The following EFNA5 variants were observed in gnomAD, a reference collection of about 807,000 sequenced individuals.
EFNA5 encodes the protein ephrin-A5.
A neutral mutation model predicts 22.9 loss-of-function variants in EFNA5; 5 were observed. That is an observed-to-expected ratio of 0.22 (90% confidence interval 0.11 to 0.46). The LOEUF (loss-of-function observed/expected upper bound fraction) is 0.46. Ranked by LOEUF, EFNA5 falls within the 20% of genes least tolerant of loss-of-function variation. The pLI is 0.99. For synonymous variants in EFNA5, 113 were observed against 112.2 expected (o/e 1.01, Z -0.04); for missense variants, 237 against 293.3 (o/e 0.81, Z 1.40).
chr5:107,428,598 C>T (rs760337293), intron 1 of EFNA5, among the ~76,000 whole-genome samples: 2 of 152,174 alleles, frequency 1.3e-5, no homozygotes, highest in Non-Finnish European at 2.9e-5. Flanking sequence ...GGTGGAAAAG[C>T]GTACAAAACT....
At chr5:107,381,783 G>A (rs548242406) in intron 4 of EFNA5, among the ~76,000 whole-genome samples, 82 of 152,326 alleles carry the variant, frequency 5.4e-4, no homozygotes, top group African/African-American at 1.9e-3. Flanking sequence ...TGTTGGCACA[G>A]TAGTGGTTAA....
chr5:107,467,850 C>T (rs1274892405), intron 1 of EFNA5, among the ~76,000 whole-genome samples: 2 of 152,094 alleles, frequency 1.3e-5, no homozygotes, highest in Non-Finnish European at 2.9e-5. Flanking sequence ...CTTTCCTTTG[C>T]ACAGCAAATC....
At chr5:107,473,262 ATTT>A (rs35926074) in intron 1 of EFNA5, among the ~76,000 whole-genome samples, 12,722 of 135,158 alleles carry the variant, frequency 0.094, 703 homozygotes, top group East Asian at 0.23. Context: ...TCCAGGTCTG[ATTT>A]TTTTTTTTTT....
intron 1 of EFNA5, among the ~76,000 whole-genome samples, chr5:107,662,427 T>C (rs974738444): frequency 6.6e-6 from 1 of 152,186 alleles, no homozygotes; most frequent in African/African-American, 2.4e-5. Context: ...ATGAGAATAA[T>C]GTTCCCAGCC....
At chr5:107,383,315 AT>A (rs2112484004) in intron 4 of EFNA5, among the ~76,000 whole-genome samples, 1 of 152,340 alleles carries the variant, frequency 6.6e-6, no homozygotes, top group Non-Finnish European at 1.5e-5. Flanking sequence ...AAAAATATAT[AT>A]AAAGTCCTCC....
chr5:107,551,958 C>T (rs1475548148), intron 1 of EFNA5, among the ~76,000 whole-genome samples: 1 of 152,140 alleles, frequency 6.6e-6, no homozygotes, highest in African/African-American at 2.4e-5. Context: ...ATCTCCACTA[C>T]TGTCTCCATA....
intron 1 of EFNA5, among the ~76,000 whole-genome samples, chr5:107,589,272 A>C (rs1561442061): frequency 6.6e-6 from 1 of 152,214 alleles, no homozygotes. Flanking sequence ...CTTGCTCATA[A>C]GACCAAGCCC....
chr5:107,478,843 C>T (rs1750379436), intron 1 of EFNA5, among the ~76,000 whole-genome samples: 2 of 152,124 alleles, frequency 1.3e-5, no homozygotes, highest in Non-Finnish European at 2.9e-5. Flanking sequence ...AGTCTGCTTA[C>T]TAAAATGAAA....
chr5:107,631,373 T>C (rs1750246373), intron 1 of EFNA5, among the ~76,000 whole-genome samples: 3 of 150,032 alleles, frequency 2.0e-5, no homozygotes, highest in African/African-American at 7.6e-5. Flanking sequence ...TTTATACACA[T>C]GTACATATAT....
chr5:107,664,771 T>C (rs1232180328), intron 1 of EFNA5, among the ~76,000 whole-genome samples: 1 of 152,158 alleles, frequency 6.6e-6, no homozygotes, highest in Non-Finnish European at 1.5e-5. Context: ...CTTAGGGAAA[T>C]TGAGGCTTCC....
chr5:107,531,001 G>T (rs1466472587), intron 1 of EFNA5, among the ~76,000 whole-genome samples: 1 of 152,052 alleles, frequency 6.6e-6, no homozygotes, highest in African/African-American at 2.4e-5. Flanking sequence ...ATAATTTTTT[G>T]AATTAAATTT....
At chr5:107,583,766 G>A (rs193261330) in intron 1 of EFNA5, among the ~76,000 whole-genome samples, 1 of 152,320 alleles carries the variant, frequency 6.6e-6, no homozygotes, top group Non-Finnish European at 1.5e-5. Flanking sequence ...TATGGAATTA[G>A]ACAGCTCTTA....
chr5:107,437,172 T>G (rs1012376266), intron 1 of EFNA5, among the ~76,000 whole-genome samples: 3 of 152,192 alleles, frequency 2.0e-5, no homozygotes, highest in African/African-American at 7.2e-5. Context: ...AGAAATAAAT[T>G]GGAAGAAAGA....
intron 1 of EFNA5, among the ~76,000 whole-genome samples, chr5:107,534,618 T>A (rs1747892986): frequency 6.6e-6 from 1 of 152,202 alleles, no homozygotes; most frequent in African/African-American, 2.4e-5. Context: ...ACATATTATG[T>A]CTGCTTTGTG....
intron 1 of EFNA5, among the ~76,000 whole-genome samples, chr5:107,548,066 G>A (rs772681946): frequency 1.3e-5 from 2 of 152,100 alleles, no homozygotes; most frequent in South Asian, 4.1e-4. Context: ...AAAGATTCTA[G>A]AAGAAGCCAT....
intron 1 of EFNA5, among the ~76,000 whole-genome samples, chr5:107,616,173 C>A (rs190534860): frequency 1.3e-5 from 2 of 152,034 alleles, no homozygotes; most frequent in South Asian, 4.1e-4. Context: ...AGAATGAAAG[C>A]GAATTATAAG....
At chr5:107,496,336 CAAAAAAA>C (rs77916124) in intron 1 of EFNA5, among the ~76,000 whole-genome samples, 1 of 79,816 alleles carries the variant, frequency 1.3e-5, no homozygotes, top group Non-Finnish European at 2.3e-5. Flanking sequence ...AATTCCATCT[CAAAAAAA>C]AAAAAAAAAA....
rs184190517 is a variant in EFNA5 at position 107,423,619 on chromosome 5, T to C, written c.418+3598A>G. ...TATAAACAACTATTGTCTTAATCAA[T>C]TGACTGGCAGTTCTGCAAATCTATC... is the stretch of plus-strand genomic sequence containing the variant. On this transcript the variant is annotated intron_variant, in intron 2 of 4. Coordinates refer to ENST00000333274, the MANE Select transcript of EFNA5 (RefSeq NM_001962.3). Among the ~76,000 whole-genome samples, 4 of 152,320 alleles carry C rather than the reference T, an allele frequency of 2.6e-5. No individual in the cohort carries two copies. The East Asian group carries it at 7.7e-4, about 29-fold the overall frequency.
Position 107,466,772 on chromosome 5 carries a change from T to C in EFNA5, c.126-39263A>G, listed in dbSNP as rs78497502. Among the ~76,000 whole-genome samples the C allele has an allele frequency of 2.0e-5, 3 of 152,206 alleles. No individual in the cohort carries two copies. In the East Asian group the frequency reaches 5.8e-4, roughly 29 times the overall value. On this transcript the variant is annotated intron_variant, in intron 1 of 4. Transcript: ENST00000333274. ...GGTGAGATGCACAAAGGCTTGAGCG[T>C]TTGGGGTGGGCCATCAGGAAAGGGC...
Sources: gnomAD v4.1 joint callset for allele counts (sites outside exome capture counted in the v4.1 genomes callset) on GRCh38, gnomAD v4.1.1 for gene constraint, MANE v1.5 for transcripts, NCBI Gene and HGNC (gene_info 2026-07-23, HGNC 2026-07-21) for gene names.